Variants in STRC observed in about 807,000 individuals in gnomAD.
STRC encodes the protein stereocilin.
In STRC, 43 loss-of-function variants were observed where a neutral mutation model predicts 103.5. The ratio of observed to expected loss-of-function variants is 0.42; its 90% CI spans 0.33 to 0.54. The LOEUF is 0.54. Ranked by LOEUF, STRC falls within the 20% of genes least tolerant of loss-of-function variation. STRC has a pLI of 0.14. For synonymous variants in STRC, 186 were observed against 442.3 expected, an observed-to-expected ratio of 0.42 and a Z score of 7.27; for missense variants, 499 against 1,088.5, an observed-to-expected ratio of 0.46 and a Z score of 7.62.
rs768809536 is a variant in STRC, at chr15:43,611,001, TGTG to T, written c.3307-20_3307-18del. The T allele has an allele frequency of 1.1e-5, 5 of 434,834 alleles. No individual in the cohort carries two copies. The highest frequency in any genetic ancestry group is 3.4e-5 in the African/African-American group (1 of 29,622). 26.9% of individuals were successfully genotyped at this position (434,834 alleles called of 1,614,324 possible). A position where few individuals can be genotyped will look rare whatever the true frequency, so the allele number is the denominator to read the frequency against. Reference sequence around the variant, plus strand: ...ATCTTTAACCTGCATGAGAATTGGTTGTGTGTGTGTGTGTGTGTGTGTGTGTGT... The same window carrying T: ...ATCTTTAACCTGCATGAGAATTGGTTTGTGTGTGTGTGTGTGTGTGTGTGT... On this transcript the variant is annotated intron_variant, in intron 13 of 28. Coordinates refer to ENST00000450892, the MANE Select transcript of STRC (RefSeq NM_153700.2).
chr15:43,605,335 C>T lies in STRC; in HGVS notation c.3859G>A (p.Ala1287Thr). 1 of 1,590,818 alleles carries T rather than the reference C, an allele frequency of 6.3e-7. No individual in the cohort carries two copies. The highest frequency in any genetic ancestry group is 8.6e-7 in the Non-Finnish European group (1 of 1,167,030). The stretch of plus-strand genomic sequence containing the variant: ...GTCAGTGCCAGCAGCTGCTCTGGAG[C>T]TCTTTGCACCAGCTCCACCACCAAC... ...IMLVVELVQRAPEQLLALTPL... is the reference protein window; with the variant it reads ...IMLVVELVQRTPEQLLALTPL... The change falls in exon 19 of 29, where the codon GCT becomes ACT. Residue 1287 changes from alanine (A) to threonine (T), a missense_variant. Transcript: ENST00000450892.
At chr15:43,601,956 C>A (rs1165107965) in intron 23 of STRC, among the ~76,000 whole-genome samples, 1 of 151,306 alleles carries the variant, frequency 6.6e-6, no homozygotes, top group African/African-American at 2.4e-5. Flanking sequence ...CCCATCTCTA[C>A]CAAAGATACA....
At chr15:43,605,158 G>C in intron 19 of STRC, 106 bp downstream of exon 19, 1 of 1,551,686 alleles carries the variant, frequency 6.4e-7, no homozygotes, top group Non-Finnish European at 8.7e-7. Flanking sequence ...CTGTTTGGCA[G>C]CAAGAAAGCA....
In STRC at chr15:43,609,408, A is replaced by G. The variant is rs2085733408; in HGVS notation, c.3499-74T>C. 5 of 1,463,636 alleles carry G rather than the reference A, an allele frequency of 3.4e-6. No individual in the cohort carries two copies. In the Admixed American group the frequency reaches 6.8e-5, roughly 20 times the overall value. 90.7% of individuals were successfully genotyped at this position (1,463,636 alleles called of 1,614,324 possible). On this transcript the variant is annotated intron_variant, in intron 15 of 28. Coordinates refer to ENST00000450892, the MANE Select transcript of STRC (RefSeq NM_153700.2). ...AGGATACCCCCTAGAGTGGAGAGGC[A>G]GGACTGCCTTGGACCCAGTCCTGCC... is the stretch of plus-strand genomic sequence containing the variant.
intron 18 of STRC, among the ~76,000 whole-genome samples, chr15:43,607,137 G>T (rs1301411434): frequency 9.8e-5 from 14 of 142,196 alleles, no homozygotes; most frequent in Admixed American, 3.5e-4. Context: ...ATGGCAACGG[G>T]GTGGTGGTAG....
rs751555284 is a variant in STRC at position 43,604,312 on chromosome 15, A to T, written c.4218+49T>A. On this transcript the variant is annotated intron_variant, in intron 21 of 28. Transcript: ENST00000450892. Reference sequence around the variant, plus strand: ...GGCCACGGGTCCCCATAACCAGCTCACCAGTCCCCTCTATGCATTTACTCC... The same window carrying T: ...GGCCACGGGTCCCCATAACCAGCTCTCCAGTCCCCTCTATGCATTTACTCC... 3.8e-6 allele frequency: 6 copies of T among 1,583,886 alleles called. No homozygotes were observed. In the Admixed American group the frequency reaches 7.1e-5, roughly 19 times the overall value.
chr15:43,606,471 G>A (rs965272837), intron 18 of STRC, among the ~76,000 whole-genome samples: 1 of 150,082 alleles, frequency 6.7e-6, no homozygotes, highest in Non-Finnish European at 1.5e-5. Flanking sequence ...GTGGTGGCAC[G>A]CGCCTGTAAT....
chr15:43,604,702 C>T lies in STRC; in HGVS notation c.4075G>A (p.Glu1359Lys), dbSNP rs748483972. 2 of 1,613,628 alleles carry T rather than the reference C, an allele frequency of 1.2e-6. No homozygotes were observed. ...CATCCCAGCTCTGTGGCAAATGTCTCTCCTAGGCAGAAGCCTTGCAGCTGA... is the reference window on the plus strand; with the variant it reads ...CATCCCAGCTCTGTGGCAAATGTCTTTCCTAGGCAGAAGCCTTGCAGCTGA... ...LSQLQGFCLG[E>K]TFATELGWLL... Residue 1359 changes from glutamate (E) to lysine (K), a missense_variant, in exon 20 of 29, where the codon GAG becomes AAG. By Grantham distance (56) the Glu-to-Lys change is moderately conservative. Transcript: ENST00000450892.
chr15:43,609,423 C>A, intron 15 of STRC, 89 bp from the exon 16 acceptor site: 1 of 1,233,092 alleles, frequency 8.1e-7, no homozygotes, highest in Non-Finnish European at 1.2e-6. Context: ...TGCCTTGGAC[C>A]CAGTCCTGCC....
In STRC at chr15:43,600,881, C is replaced by T. The variant is rs772670595; in HGVS notation, c.4835G>A (p.Trp1612Ter). Residue 1612 changes from tryptophan (W) to a stop codon, truncating the protein, a stop_gained, in exon 25 of 29, where the codon TGG becomes TAG. Coordinates refer to ENST00000450892, the MANE Select transcript of STRC (RefSeq NM_153700.2). LOFTEE classifies it high-confidence loss of function. ...CCCCTTCACAAATGACCTGAACTCC[C>T]AACTGCTGATGTGCTGGAGCTCCTC... ...RPEELQHISS[W>*]EFSQAALFLG... The T allele has an allele frequency of 6.2e-7, 1 of 1,613,212 alleles. No individual in the cohort carries two copies. Among genetic ancestry groups the T allele is most frequent in the African/African-American group, 1.3e-5 (1 of 74,664 alleles).
At position 43,601,421 on chromosome 15, in the gene STRC, T is replaced by G. The variant is rs769887035; in HGVS notation, c.4676A>C (p.Gln1559Pro). 1 of 1,613,626 alleles carries G rather than the reference T, an allele frequency of 6.2e-7. No individual in the cohort carries two copies. Among genetic ancestry groups the G allele is most frequent in the East Asian group, 2.2e-5 (1 of 44,870 alleles). Residue 1559 changes from glutamine to proline, a missense_variant, in exon 24 of 29, where the codon CAG (glutamine) becomes CCG (proline). Coordinates refer to ENST00000450892, the MANE Select transcript of STRC (RefSeq NM_153700.2). ...VDWGVLSTLG[Q>P]IDGWSTTQLR... ...CTGAGTGGTGCTCCAGCCATCTATC[T>G]GCCCCAGGGTGCTCAGCACTCCCCA... is the stretch of plus-strand genomic sequence containing the variant.
intron 22 of STRC, 135 bp downstream of exon 22, chr15:43,603,860 CT>C: frequency 6.7e-7 from 1 of 1,486,126 alleles, no homozygotes; most frequent in East Asian, 2.4e-5. Flanking sequence ...CTACAAGAGG[CT>C]TGAAGATCAT....
intron 20 of STRC, 50 bp downstream of exon 20, chr15:43,604,600 G>T (rs2614822): frequency 3.6e-5 from 58 of 1,612,658 alleles, no homozygotes; most frequent in South Asian, 3.1e-4. Flanking sequence ...TGGTGGCTGA[G>T]GGACTGGGTA....
chr15:43,603,620 A>G, intron 22 of STRC: 1 of 665,872 alleles, frequency 1.5e-6, no homozygotes, highest in Non-Finnish European at 2.6e-6. Context: ...TATAGATGGA[A>G]GACTGAGGAT....
At position 43,610,983 on chromosome 15, in the gene STRC, A is replaced by G. The variant is rs2085742551; in HGVS notation, c.3308T>C (p.Val1103Ala). The G allele has an allele frequency of 1.3e-6, 2 of 1,597,790 alleles. No homozygotes were observed. The highest frequency in any genetic ancestry group is 1.1e-5 in the South Asian group (1 of 90,592). Residue 1103 changes from valine to alanine, a missense_variant and splice_region_variant, in exon 14 of 29, where the codon GTT (valine) becomes GCT (alanine). Physicochemically the swap from Val to Ala is moderately conservative, Grantham distance 64 (BLOSUM62 0). Transcript: ENST00000450892. Reference protein sequence around the residue: ...QTAALLQTFRVKDGVKNMGTT... With the variant: ...QTAALLQTFRAKDGVKNMGTT... ...ACCCATATTTTTAACACCATCTTTA[A>G]CCTGCATGAGAATTGGTTGTGTGTG...
At chr15:43,601,308 A>C in intron 24 of STRC, 88 bp downstream of exon 24, 1 of 1,593,310 alleles carries the variant, frequency 6.3e-7, no homozygotes, top group Non-Finnish European at 8.6e-7. Context: ...GGTCACAGGA[A>C]AAAAATTCCT....
In STRC at chr15:43,600,118, G is replaced by C; in HGVS notation, c.5092-11C>G. 10 of 1,612,294 alleles carry C rather than the reference G, an allele frequency of 6.2e-6. No individual in the cohort carries two copies. The highest frequency in any genetic ancestry group is 8.5e-6 in the Non-Finnish European group (10 of 1,179,366). Reference sequence around the variant, plus strand: ...GGGACTAAACACCACCTGAGGGCAGGGGTAGGAATCAGTGCATGCATGTAG... The same window carrying C: ...GGGACTAAACACCACCTGAGGGCAGCGGTAGGAATCAGTGCATGCATGTAG... On this transcript the variant is annotated splice_polypyrimidine_tract_variant and intron_variant, in intron 27 of 28. Coordinates refer to ENST00000450892, the MANE Select transcript of STRC (RefSeq NM_153700.2).
rs1369719592 is a variant in STRC, at chr15:43,604,854, A to G, written c.3931-8T>C. On this transcript the variant is annotated splice_region_variant and splice_polypyrimidine_tract_variant and intron_variant, in intron 19 of 28. Transcript: ENST00000450892. Reference sequence around the variant, plus strand: ...TGGAGTCTCCTTTGGAGCCTGGAGAAGAGCATCAGAACTTGGACAATGCAC... The same window carrying G: ...TGGAGTCTCCTTTGGAGCCTGGAGAGGAGCATCAGAACTTGGACAATGCAC... 3 of 1,599,750 alleles carry G rather than the reference A, an allele frequency of 1.9e-6. No individual in the cohort carries two copies. The highest frequency in any genetic ancestry group is 3.5e-5 in the Admixed American group (2 of 57,794).
At chr15:43,609,651 A>G in intron 15 of STRC, 1 of 399,016 alleles carries the variant, frequency 2.5e-6, no homozygotes, top group Non-Finnish European at 4.7e-6. Context: ...GGAGTTCAAG[A>G]CCAATCTGGA....
Sources: gnomAD v4.1 joint callset for allele counts (sites outside exome capture counted in the v4.1 genomes callset) on GRCh38, gnomAD v4.1.1 for gene constraint, MANE v1.5 for transcripts, NCBI Gene and HGNC (gene_info 2026-07-23, HGNC 2026-07-21) for gene names.